The following PTPN14 variants were observed in gnomAD, a reference collection of about 807,000 sequenced individuals.
PTPN14 encodes the protein tyrosine-protein phosphatase non-receptor type 14.
Under a neutral mutation model 126.8 loss-of-function variants are expected in PTPN14, and 53 were observed. The observed-to-expected ratio is 0.42, with a 90% CI of 0.34 to 0.53. The LOEUF (loss-of-function observed/expected upper bound fraction) is 0.53, where lower values mean the gene tolerates loss of function less well. Among genes scored for constraint, PTPN14 ranks in the 20% least tolerant of loss-of-function variants. PTPN14 has a pLI of 0.08. For synonymous variants in PTPN14, 630 were observed against 599.3 expected (o/e 1.05, Z -0.75); for missense variants, 1,257 against 1,552.9 (o/e 0.81, Z 3.20).
At chr1:214,360,920 C>CA (rs1657941024) in intron 18 of PTPN14, among the ~76,000 whole-genome samples, 1 of 152,146 alleles carries the variant, frequency 6.6e-6, no homozygotes, top group African/African-American at 2.4e-5. Context: ...GTTCTTGTGA[C>CA]AGTGAATTCT....
At chr1:214,522,428 G>A (rs1412045801) in intron 1 of PTPN14, among the ~76,000 whole-genome samples, 1 of 152,124 alleles carries the variant, frequency 6.6e-6, no homozygotes, top group African/African-American at 2.4e-5. Context: ...TTGCAAAATG[G>A]CCAGTCAACA....
intron 3 of PTPN14, among the ~76,000 whole-genome samples, chr1:214,440,643 T>C (rs1433560421): frequency 6.6e-6 from 1 of 152,214 alleles, no homozygotes; most frequent in Admixed American, 6.5e-5. Flanking sequence ...AAAGTGTTAA[T>C]ACAGCTGGAC....
chr1:214,409,513 T>C (rs1659249420), intron 5 of PTPN14, among the ~76,000 whole-genome samples: 1 of 152,234 alleles, frequency 6.6e-6, no homozygotes, highest in Admixed American at 6.5e-5. Context: ...TTATGAATAA[T>C]GTGGCAATGA....
chr1:214,436,241 T>C (rs913667019), intron 3 of PTPN14, among the ~76,000 whole-genome samples: 11 of 152,088 alleles, frequency 7.2e-5, no homozygotes, highest in African/African-American at 2.7e-4. Context: ...CAGGGCCTAC[T>C]TGAGGATGGA....
Position 214,376,360 on chromosome 1 carries a change from A to G in PTPN14, c.2766T>C (p.Asn922=), listed in dbSNP as rs768069383. Reference sequence around the variant, plus strand: ...GCAGAGCTGCTGTGCTGAAAATGCCATTCGCCTTTTTCTTTGGAATTTGCT... The same window carrying G: ...GCAGAGCTGCTGTGCTGAAAATGCCGTTCGCCTTTTTCTTTGGAATTTGCT... ...EYEQIPKKKA[N]GIFSTAALPE... Residue 922 remains asparagine (N), a synonymous_variant, in exon 15 of 19, where the codon AAT becomes AAC. Transcript: ENST00000366956. 3.1e-6 allele frequency: 5 copies of G among 1,614,006 alleles called. No individual in the cohort carries two copies. The highest frequency in any genetic ancestry group is 1.3e-5 in the African/African-American group (1 of 74,920).
At chr1:214,466,503 T>C (rs1026492992) in intron 1 of PTPN14, among the ~76,000 whole-genome samples, 3 of 152,146 alleles carry the variant, frequency 2.0e-5, no homozygotes, top group African/African-American at 7.2e-5. Flanking sequence ...CAAATGAAAA[T>C]GATGACATTA....
intron 3 of PTPN14, among the ~76,000 whole-genome samples, chr1:214,427,276 C>CA (rs5741915): frequency 0.24 from 15,919 of 65,200 alleles, 2,006 homozygotes; most frequent in Middle Eastern, 0.28. Flanking sequence ...GTCTCCATCT[C>CA]AAAAAAAAAA....
At chr1:214,437,641 G>A (rs1384687987) in intron 3 of PTPN14, among the ~76,000 whole-genome samples, 1 of 152,094 alleles carries the variant, frequency 6.6e-6, no homozygotes, top group Non-Finnish European at 1.5e-5. Flanking sequence ...AAGAACCTTG[G>A]ATTCTCCATT....
chr1:214,550,706 G>A (rs1352616122), intron 1 of PTPN14, among the ~76,000 whole-genome samples: 1 of 152,124 alleles, frequency 6.6e-6, no homozygotes. Context: ...GAGAGGGCAG[G>A]AAAACTCCGC....
chr1:214,517,145 T>C (rs946597789), intron 1 of PTPN14, among the ~76,000 whole-genome samples: 2 of 152,198 alleles, frequency 1.3e-5, no homozygotes, highest in African/African-American at 4.8e-5. Flanking sequence ...CGTGTCCACA[T>C]CTTTTACAGG....
At chr1:214,458,061 A>C (rs1202029626) in intron 2 of PTPN14, among the ~76,000 whole-genome samples, 1 of 151,946 alleles carries the variant, frequency 6.6e-6, no homozygotes, top group Non-Finnish European at 1.5e-5. Flanking sequence ...AGAGATAGAG[A>C]GAGAGAGACA....
intron 15 of PTPN14, among the ~76,000 whole-genome samples, chr1:214,373,909 A>C (rs1305239649): frequency 1.3e-5 from 2 of 152,178 alleles, no homozygotes; most frequent in Non-Finnish European, 2.9e-5. Flanking sequence ...ACTGAACTAC[A>C]GTCATGACAT....
chr1:214,440,874 C>T (rs1049808102), intron 3 of PTPN14, among the ~76,000 whole-genome samples: 1 of 152,172 alleles, frequency 6.6e-6, no homozygotes, highest in South Asian at 2.1e-4. Flanking sequence ...CTCTGCAAGG[C>T]GTCCCAATTC....
At chr1:214,473,180 G>A (rs74142708) in intron 1 of PTPN14, among the ~76,000 whole-genome samples, 2,499 of 152,258 alleles carry the variant, frequency 0.016, 71 homozygotes, top group African/African-American at 0.057. Context: ...ACAAAGCAAA[G>A]AAAGACAGCT....
chr1:214,468,766 G>A (rs1278644591), intron 1 of PTPN14, among the ~76,000 whole-genome samples: 1 of 152,132 alleles, frequency 6.6e-6, no homozygotes, highest in African/African-American at 2.4e-5. Flanking sequence ...CCTCAATGCC[G>A]ATAGTAAACA....
At chr1:214,442,697 A>G (rs1429494217) in intron 3 of PTPN14, among the ~76,000 whole-genome samples, 1 of 152,236 alleles carries the variant, frequency 6.6e-6, no homozygotes, top group Non-Finnish European at 1.5e-5. Context: ...TCAGAGAAAC[A>G]GCTAGATTAT....
At chr1:214,541,312 A>G (rs1379791169) in intron 1 of PTPN14, among the ~76,000 whole-genome samples, 1 of 152,152 alleles carries the variant, frequency 6.6e-6, no homozygotes, top group African/African-American at 2.4e-5. Context: ...CAAGGTTTCA[A>G]CCCTGAGAAA....
intron 1 of PTPN14, among the ~76,000 whole-genome samples, chr1:214,502,729 GAC>G (rs1387883709): frequency 6.6e-6 from 1 of 152,016 alleles, no homozygotes; most frequent in Non-Finnish European, 1.5e-5. Context: ...TCAAAATAAA[GAC>G]AGAGTGATTT....
intron 1 of PTPN14, among the ~76,000 whole-genome samples, chr1:214,507,433 A>G (rs1654870172): frequency 6.6e-6 from 1 of 152,232 alleles, no homozygotes; most frequent in Non-Finnish European, 1.5e-5. Flanking sequence ...TCAGAAGTCA[A>G]GACACAGCAT....
Sources: allele counts gnomAD v4.1 joint callset (sites outside exome capture counted in the v4.1 genomes callset), GRCh38; gene constraint gnomAD v4.1.1; transcripts MANE v1.5; gene names NCBI Gene and HGNC (gene_info 2026-07-23, HGNC 2026-07-21).